The following TBC1D5 variants were observed in gnomAD, a reference collection of about 807,000 sequenced individuals.
TBC1D5 encodes TBC1 domain family member 5, also known as TBC1 domain family, member 5.
TBC1D5 carries 75 observed loss-of-function variants against 100.3 expected under a neutral mutation model. The ratio of observed to expected loss-of-function variants is 0.75; its 90% CI spans 0.62 to 0.91. TBC1D5 has a LOEUF of 0.91. Among genes scored for constraint, TBC1D5 ranks in the 40% least tolerant of loss-of-function variants. The probability of loss-of-function intolerance (pLI) is 0.00; values close to 1 mark genes in which losing one functional copy is unlikely to be tolerated. For synonymous variants in TBC1D5, 323 were observed against 325.6 expected (o/e 0.99, Z 0.09); for missense variants, 910 against 942.4 (o/e 0.97, Z 0.45).
chr3:17,637,909 T>C (rs942879207), intron 1 of TBC1D5, among the ~76,000 whole-genome samples: 1 of 152,170 alleles, frequency 6.6e-6, no homozygotes, highest in Non-Finnish European at 1.5e-5. Flanking sequence ...AAAATATATA[T>C]ACAATGATCC....
At chr3:17,535,923 G>C (rs560017543) in intron 2 of TBC1D5, among the ~76,000 whole-genome samples, 11 of 152,092 alleles carry the variant, frequency 7.2e-5, no homozygotes, top group Non-Finnish European at 8.8e-5. Context: ...AACTACGTAA[G>C]TAGGATCTCA....
At chr3:17,723,604 C>T (rs1272607196) in intron 1 of TBC1D5, among the ~76,000 whole-genome samples, 2 of 152,164 alleles carry the variant, frequency 1.3e-5, no homozygotes, top group Non-Finnish European at 2.9e-5. Context: ...GGTTTGAACT[C>T]TGCCAGTACA....
At chr3:17,372,369 A>C (rs1341075896) in intron 12 of TBC1D5, 122 bp from the exon 13 acceptor site, 2 of 858,282 alleles carry the variant, frequency 2.3e-6, no homozygotes, top group East Asian at 5.7e-5. Flanking sequence ...ACTCATTCTT[A>C]AAAAAAGGTG....
chr3:17,407,828 C>T (rs1196379443), intron 4 of TBC1D5, among the ~76,000 whole-genome samples: 7 of 152,110 alleles, frequency 4.6e-5, no homozygotes, highest in African/African-American at 1.2e-4. Context: ...ATGAGACACA[C>T]ATTCCAGCCC....
chr3:17,328,275 T>TAAAA (rs201518364), intron 13 of TBC1D5, among the ~76,000 whole-genome samples: 1 of 142,498 alleles, frequency 7.0e-6, no homozygotes. Context: ...TCTCTTTATT[T>TAAAA]AAAAAAAAAA....
Position 17,704,532 on chromosome 3 carries a change from C to A in TBC1D5, c.-101+34811G>T, listed in dbSNP as rs866950753. On this transcript the variant is annotated intron_variant, in intron 1 of 21. Transcript: ENST00000253692. ...GGCGCCCCTCACCTCCCGGACGGGG[C>A]GGCTGGCCGGGCGGGGGGCCGACCC... 5.6e-3 allele frequency among the ~76,000 whole-genome samples: 507 copies of A among 90,900 alleles called. 8 individuals carry two copies. Among genetic ancestry groups the A allele is most frequent in the Middle Eastern group, 0.011 (2 of 182 alleles). 59.6% of individuals were successfully genotyped at this position (90,900 alleles called of 152,430 possible).
At chr3:17,256,338 GTTCC>G (rs1178365921) in intron 16 of TBC1D5, among the ~76,000 whole-genome samples, 2 of 149,726 alleles carry the variant, frequency 1.3e-5, no homozygotes, top group African/African-American at 4.9e-5. Context: ...GACAAAAAGT[GTTCC>G]TTCCAATCTT....
chr3:17,205,577 C>T (rs1020120917), intron 18 of TBC1D5, among the ~76,000 whole-genome samples: 1 of 152,168 alleles, frequency 6.6e-6, no homozygotes, highest in Admixed American at 6.5e-5. Flanking sequence ...ATACTTCAAG[C>T]GTAATTTACC....
chr3:17,453,382 T>G (rs552156867), intron 3 of TBC1D5, among the ~76,000 whole-genome samples: 2 of 152,106 alleles, frequency 1.3e-5, no homozygotes, highest in South Asian at 2.1e-4. Context: ...GTTGGTTTTT[T>G]GAAACGATAA....
chr3:17,161,007 T>C, exon 22 of TBC1D5: 1 of 1,614,226 alleles, frequency 6.2e-7, no homozygotes, highest in Non-Finnish European at 8.5e-7. Context: ...GAGTCCTTGC[T>C]GCTGTCGTCA....
intron 2 of TBC1D5, among the ~76,000 whole-genome samples, chr3:17,621,640 A>ACC (rs1414403092): frequency 6.6e-6 from 1 of 151,816 alleles, no homozygotes; most frequent in Admixed American, 6.6e-5. Context: ...GTTTCCCCTA[A>ACC]CCAGAGACAT....
chr3:17,724,899 T>C (rs949583569), intron 1 of TBC1D5, among the ~76,000 whole-genome samples: 2 of 152,208 alleles, frequency 1.3e-5, no homozygotes, highest in Non-Finnish European at 2.9e-5. Flanking sequence ...TATCTCTTTC[T>C]TTAGTTGTAT....
chr3:17,516,048 T>C (rs1209121068), intron 2 of TBC1D5, among the ~76,000 whole-genome samples: 1 of 152,236 alleles, frequency 6.6e-6, no homozygotes, highest in Non-Finnish European at 1.5e-5. Flanking sequence ...CAGTCCTTGC[T>C]AGCCAAAGTA....
chr3:17,174,482 G>T (rs573399042), intron 19 of TBC1D5, among the ~76,000 whole-genome samples: 14 of 152,174 alleles, frequency 9.2e-5, no homozygotes, highest in African/African-American at 3.1e-4. Context: ...GTTCTCTCCT[G>T]CTCTCTCTCC....
At chr3:17,546,065 G>GTA (rs1485336217) in intron 2 of TBC1D5, among the ~76,000 whole-genome samples, 13 of 152,076 alleles carry the variant, frequency 8.5e-5, no homozygotes, top group Non-Finnish European at 1.6e-4. Context: ...AACAAAAAGA[G>GTA]TAACAATATC....
chr3:17,198,802 T>C (rs1191666332), intron 18 of TBC1D5, among the ~76,000 whole-genome samples: 2 of 152,206 alleles, frequency 1.3e-5, no homozygotes, highest in Admixed American at 1.3e-4. Context: ...TGACTACATA[T>C]TTGAATACTC....
intron 14 of TBC1D5, among the ~76,000 whole-genome samples, chr3:17,292,335 T>G (rs1299885893): frequency 6.6e-6 from 1 of 152,254 alleles, no homozygotes; most frequent in Non-Finnish European, 1.5e-5. Flanking sequence ...TCTCCTGTTT[T>G]TCTACTTAGA....
rs145522320 is a variant in TBC1D5 at position 17,544,086 on chromosome 3, T to A, written c.-35-35481A>T. On this transcript the variant is annotated intron_variant, in intron 2 of 21. Transcript: ENST00000253692. ...GGTTTCACCATGTTGGCCAAGATGG[T>A]CTCAATCTCTTGACCTCCTGATCCG... Among the ~76,000 whole-genome samples the A allele has an allele frequency of 3.6e-3, 546 of 152,066 alleles. 5 individuals carry two copies. The highest frequency in any genetic ancestry group is 0.011 in the African/African-American group (473 of 41,486).
chr3:17,363,995 G>A (rs1004982439), intron 13 of TBC1D5, among the ~76,000 whole-genome samples: 9 of 149,054 alleles, frequency 6.0e-5, no homozygotes, highest in African/African-American at 1.5e-4. Flanking sequence ...GAGTTTAATC[G>A]AGCAAAGAAC....
Sources: allele counts gnomAD v4.1 joint callset (sites outside exome capture counted in the v4.1 genomes callset), GRCh38; gene constraint gnomAD v4.1.1; transcripts MANE v1.5; gene names NCBI Gene and HGNC (gene_info 2026-07-23, HGNC 2026-07-21).